PAK5: variants seen among roughly 807,000 people sequenced by gnomAD.
PAK5 encodes p21 (RAC1) activated kinase 5.
In PAK5, 16 loss-of-function variants were observed where a neutral mutation model predicts 65.9. That is an observed-to-expected ratio of 0.24 (90% CI 0.16 to 0.37). The LOEUF is 0.37. Among genes scored for constraint, PAK5 ranks in the 10% least tolerant of loss-of-function variants. The probability of loss-of-function intolerance (pLI) is 1.00; values close to 1 mark genes in which losing one functional copy is unlikely to be tolerated. For missense variants in PAK5, 785 were observed against 903.9 expected (o/e 0.87, Z 1.69); for synonymous variants, 371 against 354.9 (o/e 1.05, Z -0.51).
intron 3 of PAK5, among the ~76,000 whole-genome samples, chr20:9,638,347 CCCTACATGG>C (rs1812188075): frequency 6.6e-6 from 1 of 152,200 alleles, no homozygotes; most frequent in African/African-American, 2.4e-5. Context: ...TCTTGGCTAG[CCCTACATGG>C]CCTACATGGC....
At chr20:9,768,821 GA>G (rs559609473) in intron 1 of PAK5, among the ~76,000 whole-genome samples, 87 of 101,436 alleles carry the variant, frequency 8.6e-4, no homozygotes, top group Middle Eastern at 0.013. Context: ...GGGAAAGAAA[GA>G]AAAAAAAAAA....
At chr20:9,826,225 AC>A (rs2049482438) in intron 1 of PAK5, among the ~76,000 whole-genome samples, 1 of 151,770 alleles carries the variant, frequency 6.6e-6, no homozygotes, top group Non-Finnish European at 1.5e-5. Flanking sequence ...GAAATTTCAC[AC>A]TGTCTGTGTT....
chr20:9,746,634 A>G (rs548890387), intron 1 of PAK5, among the ~76,000 whole-genome samples: 1 of 152,294 alleles, frequency 6.6e-6, no homozygotes, highest in African/African-American at 2.4e-5. Context: ...GCCATTAGCC[A>G]CAGTGTTATG....
At chr20:9,716,336 T>A (rs1336893207) in intron 1 of PAK5, among the ~76,000 whole-genome samples, 3 of 152,182 alleles carry the variant, frequency 2.0e-5, no homozygotes, top group Non-Finnish European at 4.4e-5. Flanking sequence ...CTTTTCTGCA[T>A]CTTTTGATAC....
intron 1 of PAK5, among the ~76,000 whole-genome samples, chr20:9,825,175 T>C (rs765376563): frequency 6.6e-6 from 1 of 152,182 alleles, no homozygotes; most frequent in Non-Finnish European, 1.5e-5. Flanking sequence ...AAAATTCTTT[T>C]CAGTGGGTGG....
At chr20:9,768,662 A>G (rs1319721811) in intron 1 of PAK5, among the ~76,000 whole-genome samples, 1 of 151,816 alleles carries the variant, frequency 6.6e-6, no homozygotes, top group African/African-American at 2.4e-5. Flanking sequence ...GCGCGGCTGT[A>G]GTCCCAGCTA....
chr20:9,791,968 C>G (rs1364176617), intron 1 of PAK5, among the ~76,000 whole-genome samples: 2 of 152,184 alleles, frequency 1.3e-5, no homozygotes, highest in East Asian at 3.9e-4. Flanking sequence ...CTGCCTGTAC[C>G]TCCTTCACAG....
intron 1 of PAK5, among the ~76,000 whole-genome samples, chr20:9,788,950 G>A (rs2049021550): frequency 6.6e-6 from 1 of 152,172 alleles, no homozygotes; most frequent in Non-Finnish European, 1.5e-5. Context: ...GGCTATGCAG[G>A]TGAATAAAGA....
chr20:9,588,984 C>T (rs530322486), intron 3 of PAK5, among the ~76,000 whole-genome samples: 23 of 152,124 alleles, frequency 1.5e-4, no homozygotes, highest in Admixed American at 1.2e-3. Context: ...CCTTGTTCCC[C>T]GAAAAGAGAT....
At chr20:9,665,660 T>TCC (rs781358262) in intron 2 of PAK5, among the ~76,000 whole-genome samples, 26 of 138,372 alleles carry the variant, frequency 1.9e-4, no homozygotes, top group Non-Finnish European at 2.8e-4. Context: ...TTCTTTTCTT[T>TCC]TCTTTTTTTT....
rs2045679797 is a variant in PAK5, at chr20:9,566,325, G to A, written c.1050C>T (p.Tyr350=). The A allele has an allele frequency of 6.2e-7, 1 of 1,613,656 alleles. No individual in the cohort carries two copies. Among genetic ancestry groups the A allele is most frequent in the Non-Finnish European group, 8.5e-7 (1 of 1,179,802 alleles). The change falls in exon 5 of 10, where the codon TAC becomes TAT. Residue 350 remains tyrosine, a synonymous_variant. Coordinates refer to ENST00000353224, the MANE Select transcript of PAK5 (RefSeq NM_177990.4). ...GAGGTAGTTTGGCAGGGCCCCTGGG[G>A]TAGGTGTCAGACCCTGACAGTGGAG... ...LSPPLSGSDT[Y]PRGPAKLPQS... is the part of the protein sequence containing the mutation.
At chr20:9,787,984 G>GA (rs1003087929) in intron 1 of PAK5, among the ~76,000 whole-genome samples, 98 of 12,050 alleles carry the variant, frequency 8.1e-3, no homozygotes, top group Non-Finnish European at 0.015. Context: ...TGTGTGTGTT[G>GA]GGGGGGGTAT....
chr20:9,767,657 G>A (rs957532215), intron 1 of PAK5, among the ~76,000 whole-genome samples: 11 of 152,138 alleles, frequency 7.2e-5, no homozygotes, highest in African/African-American at 2.7e-4. Context: ...CTCTTGGATA[G>A]TTTGGGGTTA....
chr20:9,814,597 G>A (rs1193670676), intron 1 of PAK5, among the ~76,000 whole-genome samples: 1 of 152,110 alleles, frequency 6.6e-6, no homozygotes, highest in Non-Finnish European at 1.5e-5. Flanking sequence ...TAGATTTACT[G>A]AGTCAGAGCT....
chr20:9,721,043 C>A (rs2048206930), intron 1 of PAK5, among the ~76,000 whole-genome samples: 1 of 152,080 alleles, frequency 6.6e-6, no homozygotes. Flanking sequence ...AGTTGCACAA[C>A]TTTTTGAATG....
At chr20:9,652,923 C>T (rs1158882124) in intron 2 of PAK5, among the ~76,000 whole-genome samples, 1 of 152,182 alleles carries the variant, frequency 6.6e-6, no homozygotes, top group Non-Finnish European at 1.5e-5. Context: ...TTCTTCTTAT[C>T]TAAGCTTTCT....
chr20:9,675,341 A>G (rs1282552617), intron 2 of PAK5, among the ~76,000 whole-genome samples: 1 of 152,196 alleles, frequency 6.6e-6, no homozygotes, highest in African/African-American at 2.4e-5. Context: ...TAAGGATCAT[A>G]CAGCTTGGGG....
chr20:9,678,952 A>G (rs1357801593), intron 2 of PAK5, among the ~76,000 whole-genome samples: 6 of 152,154 alleles, frequency 3.9e-5, no homozygotes, highest in Non-Finnish European at 8.8e-5. Context: ...TCCCAGGCAG[A>G]GTCTGAATAC....
At chr20:9,611,054 T>C (rs968180963) in intron 3 of PAK5, among the ~76,000 whole-genome samples, 1 of 152,220 alleles carries the variant, frequency 6.6e-6, no homozygotes, top group South Asian at 2.1e-4. Flanking sequence ...CCTCCAGAAC[T>C]GCGAGAAATA....
Sources: gnomAD v4.1 joint callset for allele counts (sites outside exome capture counted in the v4.1 genomes callset) on GRCh38, gnomAD v4.1.1 for gene constraint, MANE v1.5 for transcripts, NCBI Gene and HGNC (gene_info 2026-07-23, HGNC 2026-07-21) for gene names.